Variants in ZNF367 observed in about 807,000 individuals in gnomAD.
The protein encoded by ZNF367 is zinc finger protein 367.
A neutral mutation model predicts 31.8 loss-of-function variants in ZNF367; 11 were observed. The observed-to-expected ratio is 0.35, with a 90% confidence interval of 0.22 to 0.57. The LOEUF is 0.57. Among genes scored for constraint, ZNF367 ranks in the 20% least tolerant of loss-of-function variants. The pLI is 0.85. For synonymous variants in ZNF367, 199 were observed against 202.4 expected, an observed-to-expected ratio of 0.98 and a Z score of 0.14; for missense variants, 353 against 484.1, an observed-to-expected ratio of 0.73 and a Z score of 2.54.
rs144239204 is a variant in ZNF367 at position 96,411,983 on chromosome 9, AT to A, written c.420+5629del. ...GCTGGGACTATAGGCAAGCGTCACCATGCCCAGCTAATTAATAAGTGCATTA... is the reference window on the plus strand; with the variant it reads ...GCTGGGACTATAGGCAAGCGTCACCAGCCCAGCTAATTAATAAGTGCATTA... On this transcript the variant is annotated intron_variant, in intron 1 of 4. Transcript: ENST00000375256. 2.4e-3 allele frequency among the ~76,000 whole-genome samples: 370 copies of A among 152,304 alleles called. 1 individual carries two copies. The highest frequency in any genetic ancestry group is 8.4e-3 in the African/African-American group (350 of 41,568).
Position 96,391,682 on chromosome 9 carries a change from C to T in ZNF367, c.830+716G>A, listed in dbSNP as rs562323727. 4.6e-5 allele frequency among the ~76,000 whole-genome samples: 7 copies of T among 152,280 alleles called. No individual in the cohort carries two copies. The East Asian group carries it at 1.4e-3, about 29-fold the overall frequency. On this transcript the variant is annotated intron_variant, in intron 4 of 4. Coordinates refer to ENST00000375256, the MANE Select transcript of ZNF367 (RefSeq NM_153695.4). Reference sequence around the variant, plus strand: ...TTAGAGAAATTCTTTTATACTGGCCCCCTTGTTGCCATTGGAAAAAATTAA... The same window carrying T: ...TTAGAGAAATTCTTTTATACTGGCCTCCTTGTTGCCATTGGAAAAAATTAA...
chr9:96,394,414 G>A (rs367807334), intron 3 of ZNF367, among the ~76,000 whole-genome samples: 19 of 151,998 alleles, frequency 1.3e-4, no homozygotes, highest in African/African-American at 4.1e-4. Context: ...ATAAGACCTA[G>A]TATTTTATAG....
At chr9:96,405,038 T>G (rs1831654329) in intron 1 of ZNF367, among the ~76,000 whole-genome samples, 1 of 151,936 alleles carries the variant, frequency 6.6e-6, no homozygotes, top group Non-Finnish European at 1.5e-5. Context: ...ATGCTGAAAA[T>G]CAGCCACATG....
chr9:96,412,520 C>T (rs1171220477), intron 1 of ZNF367, among the ~76,000 whole-genome samples: 1 of 152,042 alleles, frequency 6.6e-6, no homozygotes, highest in East Asian at 1.9e-4. Flanking sequence ...TACAAACTTC[C>T]CATGACTTGC....
At chr9:96,413,108 G>A (rs1831773022) in intron 1 of ZNF367, among the ~76,000 whole-genome samples, 1 of 152,180 alleles carries the variant, frequency 6.6e-6, no homozygotes, top group African/African-American at 2.4e-5. Context: ...GCAGTATAGG[G>A]ACTAAGAACA....
At chr9:96,397,202 C>T (rs934663716) in intron 2 of ZNF367, among the ~76,000 whole-genome samples, 1 of 151,962 alleles carries the variant, frequency 6.6e-6, no homozygotes, top group African/African-American at 2.4e-5. Context: ...GATTGTAAGC[C>T]GGTAGTAGTT....
intron 2 of ZNF367, among the ~76,000 whole-genome samples, chr9:96,395,971 C>T (rs1831525236): frequency 6.6e-6 from 1 of 152,184 alleles, no homozygotes; most frequent in Non-Finnish European, 1.5e-5. Context: ...CTAAATTTCT[C>T]ATTATTTAGA....
Position 96,418,163 on chromosome 9 carries a change from C to T in ZNF367, c.-131G>A, listed in dbSNP as rs1019321845. On this transcript the variant is annotated 5_prime_UTR_variant, in exon 1 of 5. Coordinates refer to ENST00000375256, the MANE Select transcript of ZNF367 (RefSeq NM_153695.4). ...ATGGCAGACTGACGTTTCCCGGAAT[C>T]CTGCGCAGCAGCCACCTAACTAGTT... 2.4e-6 allele frequency: 3 copies of T among 1,241,828 alleles called. No homozygotes were observed. Among genetic ancestry groups the T allele is most frequent in the African/African-American group, 3.1e-5 (2 of 64,166 alleles). The allele number at this position is 1,241,828 out of a possible 1,614,324, so 76.9% of individuals were successfully genotyped here. A position where few individuals can be genotyped will look rare whatever the true frequency, so the allele number is the denominator to read the frequency against.
intron 1 of ZNF367, among the ~76,000 whole-genome samples, chr9:96,406,295 A>G (rs1349233356): frequency 6.6e-6 from 1 of 152,244 alleles, no homozygotes; most frequent in Non-Finnish European, 1.5e-5. Context: ...CCAAAAGCTT[A>G]AACATCAGCC....
chr9:96,390,795 G>C (rs987110415), intron 4 of ZNF367, among the ~76,000 whole-genome samples: 5 of 147,964 alleles, frequency 3.4e-5, no homozygotes, highest in African/African-American at 5.0e-5. Context: ...GAAGTGGGAG[G>C]ATCACTTGAG....
chr9:96,396,548 G>GA (rs1388094840), intron 2 of ZNF367, among the ~76,000 whole-genome samples: 1 of 151,882 alleles, frequency 6.6e-6, no homozygotes, highest in Non-Finnish European at 1.5e-5. Context: ...AAACATGGTG[G>GA]AAAAAAATAG....
Position 96,388,384 on chromosome 9 carries a change from C to G in ZNF367, c.906G>C (p.Gln302His), listed in dbSNP as rs1831429856. ...KLVQKADQEQ[Q>H]DPLEYLQSDE... ...CAGACTGAAGGTATTCCAGAGGGTC[C>G]TGCTGCTCCTGATCAGCCTTCTGAA... is the stretch of plus-strand genomic sequence containing the variant. The change falls in exon 5 of 5, where the codon CAG (glutamine) becomes CAC (histidine). Residue 302 changes from glutamine to histidine, a missense_variant. Physicochemically the swap from Gln to His is conservative, Grantham distance 24 (BLOSUM62 0). Coordinates refer to ENST00000375256, the MANE Select transcript of ZNF367 (RefSeq NM_153695.4). 6.2e-7 allele frequency: 1 copy of G among 1,613,956 alleles called. No individual in the cohort carries two copies. Among genetic ancestry groups the G allele is most frequent in the African/African-American group, 1.3e-5 (1 of 74,942 alleles).
At position 96,388,522 on chromosome 9, in the gene ZNF367, C is replaced by G; in HGVS notation, c.831-63G>C. 3 of 1,465,280 alleles carry G rather than the reference C, an allele frequency of 2.0e-6. No homozygotes were observed. In the South Asian group the frequency reaches 3.9e-5, roughly 19 times the overall value. The allele number at this position is 1,465,280 out of a possible 1,614,324, so 90.8% of individuals were successfully genotyped here. Reference sequence around the variant, plus strand: ...ATGAAATTTCCAAATGTTTACTTTTCTTTTAAAAAGTTCCATACCACAATA... The same window carrying G: ...ATGAAATTTCCAAATGTTTACTTTTGTTTTAAAAAGTTCCATACCACAATA... On this transcript the variant is annotated intron_variant, in intron 4 of 4. Coordinates refer to ENST00000375256, the MANE Select transcript of ZNF367 (RefSeq NM_153695.4).
At position 96,401,653 on chromosome 9, in the gene ZNF367, G is replaced by A. The variant is rs571212644; in HGVS notation, c.421-3339C>T. Reference sequence around the variant, plus strand: ...GCCTGGGCAACAAGAGCGAAGCTCCGTCTCAAAAAAAAAAAAAAAAAAAAA... The same window carrying A: ...GCCTGGGCAACAAGAGCGAAGCTCCATCTCAAAAAAAAAAAAAAAAAAAAA... On this transcript the variant is annotated intron_variant, in intron 1 of 4. Coordinates refer to ENST00000375256, the MANE Select transcript of ZNF367 (RefSeq NM_153695.4). Among the ~76,000 whole-genome samples, 430 of 90,664 alleles carry A rather than the reference G, an allele frequency of 4.7e-3. 3 individuals carry two copies. The highest frequency in any genetic ancestry group is 0.023 in the African/African-American group (390 of 17,096). 59.5% of individuals were successfully genotyped at this position (90,664 alleles called of 152,430 possible). A position where few individuals can be genotyped will look rare whatever the true frequency, so the allele number is the denominator to read the frequency against.
chr9:96,402,236 C>T (rs1048625611), intron 1 of ZNF367, among the ~76,000 whole-genome samples: 5 of 151,674 alleles, frequency 3.3e-5, no homozygotes, highest in Non-Finnish European at 7.4e-5. Flanking sequence ...AGCCTGGCAA[C>T]GGAGCTAGAC....
intron 1 of ZNF367, among the ~76,000 whole-genome samples, chr9:96,410,840 T>C (rs1831738456): frequency 1.3e-5 from 2 of 151,796 alleles, no homozygotes; most frequent in South Asian, 4.2e-4. Context: ...ATTGCACCAC[T>C]GCACTCCAGC....
At chr9:96,401,598 G>A (rs537666696) in intron 1 of ZNF367, among the ~76,000 whole-genome samples, 6 of 149,588 alleles carry the variant, frequency 4.0e-5, no homozygotes, top group East Asian at 2.0e-4. Flanking sequence ...CAGAGGTTGC[G>A]GTGAGCCAAG....
At chr9:96,407,260 C>G (rs1831682389) in intron 1 of ZNF367, 1 of 1,345,478 alleles carries the variant, frequency 7.4e-7, no homozygotes. Flanking sequence ...AGGGGCTGCT[C>G]CTGGCGGCTC....
intron 2 of ZNF367, among the ~76,000 whole-genome samples, chr9:96,396,833 A>C (rs1401854075): frequency 6.6e-6 from 1 of 151,966 alleles, no homozygotes; most frequent in Non-Finnish European, 1.5e-5. Context: ...ACACCTGGCT[A>C]ATTTTGTATT....
Sources: allele counts gnomAD v4.1 joint callset (sites outside exome capture counted in the v4.1 genomes callset), GRCh38; gene constraint gnomAD v4.1.1; transcripts MANE v1.5; gene names NCBI Gene and HGNC (gene_info 2026-07-23, HGNC 2026-07-21).